Variants in ABTB2 observed in about 807,000 individuals in gnomAD.
ABTB2 encodes the protein ankyrin repeat and BTB/POZ domain-containing protein 2.
A neutral mutation model predicts 104.1 loss-of-function variants in ABTB2; 56 were observed. That is an observed-to-expected ratio of 0.54 (90% CI 0.43 to 0.67). The LOEUF is 0.67. Among genes scored for constraint, ABTB2 ranks in the 30% least tolerant of loss-of-function variants. The pLI, the probability that ABTB2 is intolerant of heterozygous loss-of-function variation, is 0.00. For synonymous variants in ABTB2, 606 were observed against 608.2 expected, an observed-to-expected ratio of 1.00 and a Z score of 0.05; for missense variants, 1,279 against 1,407.7, an observed-to-expected ratio of 0.91 and a Z score of 1.46.
In ABTB2 at chr11:34,347,233, C is replaced by T. The variant is rs181786596; in HGVS notation, c.883+9468G>A. On this transcript the variant is annotated intron_variant, in intron 1 of 16. Coordinates refer to ENST00000435224, the MANE Select transcript of ABTB2 (RefSeq NM_145804.3). ...GGCAGATCGCTTGAGGTCAGGAGTT[C>T]GAGACCAGCCTGGCCAACATGGTGA... Among the ~76,000 whole-genome samples the T allele has an allele frequency of 1.1e-3, 170 of 152,168 alleles. 1 individual carries two copies. The highest frequency in any genetic ancestry group is 0.011 in the South Asian group (53 of 4,822).
At chr11:34,219,589 T>A (rs1221672472) in intron 1 of ABTB2, among the ~76,000 whole-genome samples, 1 of 152,214 alleles carries the variant, frequency 6.6e-6, no homozygotes, top group Non-Finnish European at 1.5e-5. Context: ...CCTAGTGATG[T>A]TGTAGCCAAC....
chr11:34,353,903 G>A (rs78822751), intron 1 of ABTB2, among the ~76,000 whole-genome samples: 23,901 of 152,194 alleles, frequency 0.16, 2,417 homozygotes, highest in South Asian at 0.3. Context: ...TGTGTAAACC[G>A]TTACCTTGCT....
rs910929886 is a variant in ABTB2 at position 34,196,821 on chromosome 11, T to C, written c.1244+504A>G. On this transcript the variant is annotated intron_variant, in intron 3 of 16. Coordinates refer to ENST00000435224, the MANE Select transcript of ABTB2 (RefSeq NM_145804.3). ...AGGATAGTCTCCTGTGTTAAATGAA[T>C]GGATGGGGCAAAACACACCCAGGAC... Among the ~76,000 whole-genome samples the C allele has an allele frequency of 1.3e-4, 20 of 152,284 alleles. 1 individual carries two copies. Among genetic ancestry groups the C allele is most frequent in the Admixed American group, 1.2e-3 (18 of 15,302 alleles).
chr11:34,198,895 C>A (rs191647309), intron 2 of ABTB2, among the ~76,000 whole-genome samples: 2 of 152,246 alleles, frequency 1.3e-5, no homozygotes, highest in Non-Finnish European at 2.9e-5. Context: ...TTAGAGAGAG[C>A]CCTTCAACAG....
intron 9 of ABTB2, 118 bp downstream of exon 9, chr11:34,164,568 C>G (rs1852770735): frequency 8.1e-7 from 1 of 1,233,888 alleles, no homozygotes; most frequent in African/African-American, 1.6e-5. Flanking sequence ...ACACAGGCCC[C>G]CTGTTTTGGG....
Position 34,215,636 on chromosome 11 carries a change from C to G in ABTB2, c.884-10946G>C, listed in dbSNP as rs80085826. On this transcript the variant is annotated intron_variant, in intron 1 of 16. Transcript: ENST00000435224. ...CACTTACTAGCTGTGTGACTCTGGA[C>G]TAGTTACTTGAGCTCTCTGAGCCAC... Among the ~76,000 whole-genome samples, 514 of 152,290 alleles carry G rather than the reference C, an allele frequency of 3.4e-3. 1 individual carries two copies. Among genetic ancestry groups the G allele is most frequent in the African/African-American group, 0.012 (493 of 41,554 alleles).
chr11:34,225,710 G>A (rs896212371), intron 1 of ABTB2, among the ~76,000 whole-genome samples: 5 of 152,060 alleles, frequency 3.3e-5, no homozygotes, highest in Non-Finnish European at 5.9e-5. Flanking sequence ...AACCGAGATC[G>A]CGCCATTGCA....
chr11:34,155,226 G>A (rs1016877337), intron 14 of ABTB2, among the ~76,000 whole-genome samples: 5 of 152,254 alleles, frequency 3.3e-5, no homozygotes, highest in African/African-American at 1.2e-4. Flanking sequence ...GAGGGTCTCT[G>A]AAGGGATGTT....
chr11:34,181,339 A>G (rs1401781496), intron 3 of ABTB2, among the ~76,000 whole-genome samples: 2 of 152,228 alleles, frequency 1.3e-5, no homozygotes, highest in East Asian at 3.9e-4. Flanking sequence ...TCTTAACAAC[A>G]TGGAACAGGA....
chr11:34,246,325 G>A (rs184373199), intron 1 of ABTB2, among the ~76,000 whole-genome samples: 133 of 152,174 alleles, frequency 8.7e-4, no homozygotes, highest in African/African-American at 3.1e-3. Context: ...TCTTGGGCTG[G>A]GTGTGGTGGC....
chr11:34,183,788 A>G (rs1853059115), intron 3 of ABTB2, among the ~76,000 whole-genome samples: 1 of 152,198 alleles, frequency 6.6e-6, no homozygotes, highest in Admixed American at 6.5e-5. Context: ...TAGAAACTTC[A>G]TTTTTGAATT....
chr11:34,293,223 A>AC (rs981558493), intron 1 of ABTB2, among the ~76,000 whole-genome samples: 1 of 151,976 alleles, frequency 6.6e-6, no homozygotes, highest in Non-Finnish European at 1.5e-5. Flanking sequence ...ACTGATGTCG[A>AC]GGGGGGGCCC....
intron 1 of ABTB2, among the ~76,000 whole-genome samples, chr11:34,266,285 A>C (rs1432664601): frequency 2.0e-5 from 3 of 152,088 alleles, no homozygotes; most frequent in Non-Finnish European, 4.4e-5. Flanking sequence ...GGGTCTCACT[A>C]TATTGCCCAG....
rs571933670 is a variant in ABTB2, at chr11:34,206,276, G to A, written c.884-1586C>T. Among the ~76,000 whole-genome samples the A allele has an allele frequency of 6.5e-4, 99 of 152,196 alleles. 1 individual carries two copies. Among genetic ancestry groups the A allele is most frequent in the South Asian group, 3.7e-3 (18 of 4,814 alleles). On this transcript the variant is annotated intron_variant, in intron 1 of 16. Transcript: ENST00000435224. ...AATTAACCTGTAATCCCAGCTACTC[G>A]GGAGGCTGAGGCAGGAGCATCGCTT...
intron 1 of ABTB2, among the ~76,000 whole-genome samples, chr11:34,354,245 C>A (rs887431930): frequency 7.2e-5 from 11 of 151,990 alleles, no homozygotes; most frequent in African/African-American, 2.7e-4. Context: ...TTGTTGTCTG[C>A]CACAGAGAAT....
Position 34,197,241 on chromosome 11 carries a change from AGTC to A in ABTB2, c.1244+81_1244+83del. On this transcript the variant is annotated intron_variant, in intron 3 of 16. Coordinates refer to ENST00000435224, the MANE Select transcript of ABTB2 (RefSeq NM_145804.3). Reference sequence around the variant, plus strand: ...GGGCCCCTTCCTCGCCCTGTTGGTCAGTCGTCAGTCAGTGTCAGTCAGTCGGTC... The same window carrying A: ...GGGCCCCTTCCTCGCCCTGTTGGTCAGTCAGTCAGTGTCAGTCAGTCGGTC... 2.1e-5 allele frequency: 31 copies of A among 1,455,752 alleles called. No homozygotes were observed. The South Asian group carries it at 3.6e-4, about 17-fold the overall frequency. The allele number at this position is 1,455,752 out of a possible 1,614,324, so 90.2% of individuals were successfully genotyped here.
chr11:34,270,546 G>A (rs893598231), intron 1 of ABTB2, among the ~76,000 whole-genome samples: 2 of 152,054 alleles, frequency 1.3e-5, no homozygotes, highest in Non-Finnish European at 2.9e-5. Flanking sequence ...CACCATGTTG[G>A]CCAGGCTGTT....
intron 1 of ABTB2, among the ~76,000 whole-genome samples, chr11:34,268,613 G>T (rs539673329): frequency 6.6e-6 from 1 of 152,222 alleles, no homozygotes; most frequent in African/African-American, 2.4e-5. Flanking sequence ...CAGCCACTGC[G>T]TGAGTTTCCT....
chr11:34,192,466 A>G (rs1053085833), intron 3 of ABTB2, among the ~76,000 whole-genome samples: 3 of 152,210 alleles, frequency 2.0e-5, no homozygotes, highest in Admixed American at 6.5e-5. Flanking sequence ...CTGGCTGGCT[A>G]CGAAGTCATG....
Sources: allele counts gnomAD v4.1 joint callset (sites outside exome capture counted in the v4.1 genomes callset), GRCh38; gene constraint gnomAD v4.1.1; transcripts MANE v1.5; gene names NCBI Gene and HGNC (gene_info 2026-07-23, HGNC 2026-07-21).